Variants in MKNK2 observed in about 807,000 individuals in gnomAD.
The protein encoded by MKNK2 is MAP kinase-interacting serine/threonine-protein kinase 2.
In MKNK2, 54 loss-of-function variants were observed where a neutral mutation model predicts 55.0. The ratio of observed to expected loss-of-function variants is 0.98; its 90% CI spans 0.79 to 1.23. MKNK2 has a LOEUF of 1.23. Among genes scored for constraint, MKNK2 ranks in the 50% most tolerant of loss-of-function variants. The pLI, the probability that MKNK2 is intolerant of heterozygous loss-of-function variation, is 0.00. For missense variants in MKNK2, 685 were observed against 632.1 expected (o/e 1.08, Z -0.90); for synonymous variants, 323 against 256.0 (o/e 1.26, Z -2.50).
At position 2,043,209 on chromosome 19, in the gene MKNK2, G is replaced by C. The variant is rs766049332; in HGVS notation, c.420-12C>G. 2 of 1,603,156 alleles carry C rather than the reference G, an allele frequency of 1.2e-6. No homozygotes were observed. The highest frequency in any genetic ancestry group is 1.1e-5 in the South Asian group (1 of 90,858). On this transcript the variant is annotated splice_polypyrimidine_tract_variant and intron_variant, in intron 6 of 13. Coordinates refer to ENST00000250896, the MANE Select transcript of MKNK2 (RefSeq NM_199054.3). ...GCTCTAGGACGTTCCTGGGGTGGGG[G>C]TGGGGGCAGGAGAGGAGCTGAGGCT...
At chr19:2,046,129 C>G in intron 5 of MKNK2, 57 bp downstream of exon 5, 1 of 1,528,344 alleles carries the variant, frequency 6.5e-7, no homozygotes, top group Non-Finnish European at 9.0e-7. Flanking sequence ...CTGTTTCCAC[C>G]CCCGCTCAAC....
rs1481370564 is a variant in MKNK2 at position 2,050,930 on chromosome 19, G to A, written c.-79C>T. 8 of 1,050,822 alleles carry A rather than the reference G, an allele frequency of 7.6e-6. No homozygotes were observed. Among genetic ancestry groups the A allele is most frequent in the Admixed American group, 3.0e-5 (1 of 33,542 alleles). The allele number at this position is 1,050,822 out of a possible 1,614,324, so 65.1% of individuals were successfully genotyped here. ...CCGAGGGCGGGCGGCCGGGCGGGGG[G>A]CGGCCGAGGAGGGGACCCTGCGGGC... On this transcript the variant is annotated 5_prime_UTR_variant, in exon 2 of 14. Transcript: ENST00000250896.
intron 2 of MKNK2, among the ~76,000 whole-genome samples, chr19:2,047,130 G>C (rs2017017953): frequency 6.6e-6 from 1 of 152,204 alleles, no homozygotes; most frequent in African/African-American, 2.4e-5. Context: ...AGCAAGGCAA[G>C]ATCAGGGGAC....
Position 2,046,651 on chromosome 19 carries a change from G to A in MKNK2, c.92C>T (p.Pro31Leu). 6.4e-7 allele frequency: 1 copy of A among 1,560,772 alleles called. No homozygotes were observed. Among genetic ancestry groups the A allele is most frequent in the Non-Finnish European group, 8.7e-7 (1 of 1,154,076 alleles). The change falls in exon 3 of 14, where the codon CCC becomes CTC. Residue 31 changes from proline to leucine, a missense_variant. Physicochemically the swap from Pro to Leu is moderately conservative, Grantham distance 98. Transcript: ENST00000250896. The stretch of plus-strand genomic sequence containing the variant: ...GCCAAAGTCAGAGTCTCCGTGGTCG[G>A]GCTGGTCTAGGGAGAAGGCCAGCTC... ...PFELAFSLDQ[P>L]DHGDSDFGLQ...
At chr19:2,046,118 ACT>A (rs1420218590) in intron 5 of MKNK2, 66 bp downstream of exon 5, 56 of 1,472,720 alleles carry the variant, frequency 3.8e-5, no homozygotes, top group East Asian at 3.6e-4. Context: ...AATGCCACAC[ACT>A]GTTTCCACCC....
chr19:2,051,209 C>G lies in MKNK2; in HGVS notation c.-210G>C, dbSNP rs895689212. On this transcript the variant is annotated 5_prime_UTR_variant, in exon 1 of 14. Coordinates refer to ENST00000250896, the MANE Select transcript of MKNK2 (RefSeq NM_199054.3). ...GCGCCGCCGCCGCCGCCAGCGCGGA[C>G]CCCTCTACCTGGGCCACCGCCGCTG... The G allele has an allele frequency of 6.5e-6, 1 of 154,046 alleles. No individual in the cohort carries two copies. The highest frequency in any genetic ancestry group is 2.4e-5 in the African/African-American group (1 of 41,254). 9.5% of individuals were successfully genotyped at this position (154,046 alleles called of 1,614,324 possible). A position where few individuals can be genotyped will look rare whatever the true frequency, so the allele number is the denominator to read the frequency against.
In MKNK2 at chr19:2,040,002, G is replaced by A. The variant is rs957710275; in HGVS notation, c.1154+132C>T. On this transcript the variant is annotated intron_variant, in intron 13 of 13. Coordinates refer to ENST00000250896, the MANE Select transcript of MKNK2 (RefSeq NM_199054.3). ...CCTCTGAGCACCAGGGCCCCACCGG[G>A]AGCTTCACTGAGTCACCAGGCTTGC... The A allele has an allele frequency of 3.7e-6, 5 of 1,369,540 alleles. No homozygotes were observed. The Admixed American group carries it at 5.9e-5, about 16-fold the overall frequency. 84.8% of individuals were successfully genotyped at this position (1,369,540 alleles called of 1,614,324 possible).
Position 2,038,778 on chromosome 19 carries a change from A to T in MKNK2, c.*835T>A, listed in dbSNP as rs1259235556. On this transcript the variant is annotated 3_prime_UTR_variant, in exon 14 of 14. Transcript: ENST00000250896. ...CCACATTGGCTGACAGTGCCTGTCC[A>T]GCCCCTCTGCCTGCTGCGGTGGAAA... 1 of 985,452 alleles carries T rather than the reference A, an allele frequency of 1.0e-6. No individual in the cohort carries two copies. The highest frequency in any genetic ancestry group is 1.1e-4 in the East Asian group (1 of 8,796). The allele number at this position is 985,452 out of a possible 1,614,324, so 61.0% of individuals were successfully genotyped here.
chr19:2,040,940 AGGGT>A (rs1483911481), intron 12 of MKNK2, 96 bp downstream of exon 12: 1 of 1,169,860 alleles, frequency 8.5e-7, no homozygotes, highest in Non-Finnish European at 1.2e-6. Flanking sequence ...AGTGCATCTC[AGGGT>A]GTCCAGGCTA....
In MKNK2 at chr19:2,041,853, C is replaced by A; in HGVS notation, c.932G>T (p.Cys311Phe). ...GGGCCGCCGCACCTGGCAGGCAGGGCAGGCCTCGCCGCGGTCCCAGCCGCA... is the reference window on the plus strand; with the variant it reads ...GGGCCGCCGCACCTGGCAGGCAGGGAAGGCCTCGCCGCGGTCCCAGCCGCA... ...SDCGWDRGEA[C>F]PACQNMLFES... is the part of the protein sequence containing the mutation. Residue 311 changes from cysteine (C) to phenylalanine (F), a missense_variant, in exon 11 of 14, where the codon TGC becomes TTC. Cys to Phe is a radical substitution (Grantham distance 205, BLOSUM62 -2). Coordinates refer to ENST00000250896, the MANE Select transcript of MKNK2 (RefSeq NM_199054.3). 6.5e-7 allele frequency: 1 copy of A among 1,531,386 alleles called. No homozygotes were observed. Among genetic ancestry groups the A allele is most frequent in the Non-Finnish European group, 8.8e-7 (1 of 1,138,594 alleles). 94.9% of individuals were successfully genotyped at this position (1,531,386 alleles called of 1,614,324 possible).
chr19:2,041,453 C>T (rs1056964528), intron 11 of MKNK2, among the ~76,000 whole-genome samples: 7 of 152,116 alleles, frequency 4.6e-5, no homozygotes, highest in African/African-American at 1.7e-4. Context: ...AGCCTTAAGC[C>T]GCGGGCAGGG....
Position 2,042,042 on chromosome 19 carries a change from C to A in MKNK2, c.751-8G>T. The A allele has an allele frequency of 1.4e-6, 2 of 1,475,696 alleles. No individual in the cohort carries two copies. Among genetic ancestry groups the A allele is most frequent in the Non-Finnish European group, 1.8e-6 (2 of 1,112,108 alleles). The allele number at this position is 1,475,696 out of a possible 1,614,324, so 91.4% of individuals were successfully genotyped here. On this transcript the variant is annotated splice_polypyrimidine_tract_variant and splice_region_variant and intron_variant, in intron 10 of 13. Coordinates refer to ENST00000250896, the MANE Select transcript of MKNK2 (RefSeq NM_199054.3). ...GTACTCCGCCGAGCCGCACTGCGGG[C>A]GGGGGAGGGGCGCGTCAGCCGGGGT...
In MKNK2 at chr19:2,050,840, C is replaced by T; in HGVS notation, c.12G>A (p.Lys4=). MVQ[K]KPAELQGFHR... ...GGAAACCCTGAAGTTCGGCTGGTTT[C>T]TTCTGCACCATCTTCTGTCCGGGCC... is the stretch of plus-strand genomic sequence containing the variant. Residue 4 remains lysine (K), a synonymous_variant, in exon 2 of 14, where the codon AAG becomes AAA. Coordinates refer to ENST00000250896, the MANE Select transcript of MKNK2 (RefSeq NM_199054.3). The T allele has an allele frequency of 6.5e-7, 1 of 1,534,432 alleles. No individual in the cohort carries two copies. Among genetic ancestry groups the T allele is most frequent in the Non-Finnish European group, 8.8e-7 (1 of 1,140,592 alleles).
intron 6 of MKNK2, 70 bp downstream of exon 6, chr19:2,043,433 G>A: frequency 1.4e-6 from 2 of 1,413,516 alleles, no homozygotes; most frequent in South Asian, 1.2e-5. Flanking sequence ...TGGGGGTGAT[G>A]TGGCACTCAG....
At chr19:2,042,923 G>C in intron 7 of MKNK2, 53 bp from the exon 8 acceptor site, 1 of 1,513,136 alleles carries the variant, frequency 6.6e-7, no homozygotes, top group Non-Finnish European at 9.0e-7. Flanking sequence ...TCACCTCAAA[G>C]TCCCCTCAAG....
intron 2 of MKNK2, among the ~76,000 whole-genome samples, chr19:2,050,256 C>G (rs967976281): frequency 2.0e-5 from 3 of 152,218 alleles, no homozygotes; most frequent in Admixed American, 2.0e-4. Context: ...GAGGGGACAT[C>G]CCATCCCCTC....
Position 2,039,821 on chromosome 19 carries a change from G to T in MKNK2, c.1190C>A (p.Ala397Asp). ...SCAKDLTSFA[A>D]EAIAMNRQLA... ...CTGCCGGTTCATGGCAATGGCCTCAGCCGCGAAGGACGTGAGGTCTTTGGC... is the reference window on the plus strand; with the variant it reads ...CTGCCGGTTCATGGCAATGGCCTCATCCGCGAAGGACGTGAGGTCTTTGGC... The change falls in exon 14 of 14, where the codon GCT (alanine) becomes GAT (aspartate). Residue 397 changes from alanine (A) to aspartate (D), a missense_variant. Physicochemically the swap from Ala to Asp is moderately radical, Grantham distance 126 (BLOSUM62 -2). Transcript: ENST00000250896. 6.2e-7 allele frequency: 1 copy of T among 1,603,038 alleles called. No individual in the cohort carries two copies.
rs183403205 is a variant in MKNK2 at position 2,039,598 on chromosome 19, G to A, written c.*15C>T. On this transcript the variant is annotated 3_prime_UTR_variant, in exon 14 of 14. Coordinates refer to ENST00000250896, the MANE Select transcript of MKNK2 (RefSeq NM_199054.3). ...GGGGGACGGGTGACCTATGTACAGA[G>A]GGGAGATGGGAGGGTCAGGCGTGGT... 4.6e-4 allele frequency: 745 copies of A among 1,605,782 alleles called. 3 individuals carry two copies. The African/African-American group carries it at 8.0e-3, about 17-fold the overall frequency.
At chr19:2,048,238 T>C (rs966210732) in intron 2 of MKNK2, among the ~76,000 whole-genome samples, 1 of 152,010 alleles carries the variant, frequency 6.6e-6, no homozygotes, top group Non-Finnish European at 1.5e-5. Context: ...GGCTGGGTCA[T>C]TTCTTGACCC....
Sources: gnomAD v4.1 joint callset for allele counts (sites outside exome capture counted in the v4.1 genomes callset) on GRCh38, gnomAD v4.1.1 for gene constraint, MANE v1.5 for transcripts, NCBI Gene and HGNC (gene_info 2026-07-23, HGNC 2026-07-21) for gene names.